Variants in EYS observed in about 807,000 individuals in gnomAD.
EYS encodes the protein EGF-like photoreceptor maintenance factor.
EYS carries 250 observed loss-of-function variants against 282.1 expected under a neutral mutation model. The observed-to-expected ratio is 0.89, with a 90% CI of 0.80 to 0.98. The LOEUF is 0.98. Among genes scored for constraint, EYS ranks in the 50% least tolerant of loss-of-function variants. EYS has a pLI of 0.00. For synonymous variants in EYS, 1,355 were observed against 1,282.9 expected, an observed-to-expected ratio of 1.06 and a Z score of -1.20; for missense variants, 4,016 against 3,709.0, an observed-to-expected ratio of 1.08 and a Z score of -2.15.
At chr6:64,450,524 GA>G (rs1452043996) in intron 26 of EYS, among the ~76,000 whole-genome samples, 1 of 152,092 alleles carries the variant, frequency 6.6e-6, no homozygotes, top group Non-Finnish European at 1.5e-5. Flanking sequence ...GACATTTACA[GA>G]ACTCTCCACC....
intron 12 of EYS, among the ~76,000 whole-genome samples, chr6:65,223,204 C>T (rs1291519383): frequency 6.6e-6 from 1 of 152,022 alleles, no homozygotes; most frequent in African/African-American, 2.4e-5. Flanking sequence ...CCCATCTCTA[C>T]TAAACACAAA....
At chr6:65,531,341 C>G (rs556804104) in intron 2 of EYS, among the ~76,000 whole-genome samples, 1 of 152,136 alleles carries the variant, frequency 6.6e-6, no homozygotes, top group South Asian at 2.1e-4. Context: ...ATAAAGAAAA[C>G]GCTTCATAAA....
rs528566092 is a variant in EYS, at chr6:64,620,258, G to C, written c.3569-2725C>G. ...GCACTCTTAGGATTTTTGAGTTCAA[G>C]AGCCCATTGTGCTAATCCAAGGAAG... is the stretch of plus-strand genomic sequence containing the variant. On this transcript the variant is annotated intron_variant, in intron 23 of 42. Coordinates refer to ENST00000503581, the MANE Select transcript of EYS (RefSeq NM_001142800.2). Among the ~76,000 whole-genome samples the C allele has an allele frequency of 2.0e-5, 3 of 152,228 alleles. No homozygotes were observed. In the East Asian group the frequency reaches 5.8e-4, roughly 29 times the overall value.
chr6:64,234,235 A>G (rs902439693), intron 30 of EYS, among the ~76,000 whole-genome samples: 2 of 151,076 alleles, frequency 1.3e-5, no homozygotes, highest in Admixed American at 1.3e-4. Context: ...CAAAATGCAT[A>G]TATCTCATGT....
At chr6:65,650,056 G>C (rs1319390994) in intron 1 of EYS, among the ~76,000 whole-genome samples, 1 of 152,082 alleles carries the variant, frequency 6.6e-6, no homozygotes, top group African/African-American at 2.4e-5. Flanking sequence ...TGTTTTATCT[G>C]AATTATTTAA....
chr6:65,339,239 T>C lies in EYS; in HGVS notation c.1600-4093A>G, dbSNP rs140494904. ...GGTAATTAAATTTTATTAAAGACTA[T>C]TGAAATAGGGGAGAGAAACTAAACT... On this transcript the variant is annotated intron_variant, in intron 10 of 42. Transcript: ENST00000503581. Among the ~76,000 whole-genome samples, 903 of 151,244 alleles carry C rather than the reference T, an allele frequency of 6.0e-3. 4 individuals carry two copies. The highest frequency in any genetic ancestry group is 9.7e-3 in the Non-Finnish European group (655 of 67,416).
intron 26 of EYS, among the ~76,000 whole-genome samples, chr6:64,536,365 C>T (rs980484291): frequency 6.6e-6 from 1 of 152,128 alleles, no homozygotes; most frequent in Non-Finnish European, 1.5e-5. Context: ...CCTTAACTGT[C>T]AGCAGGAATT....
intron 1 of EYS, among the ~76,000 whole-genome samples, chr6:65,655,326 A>C (rs1439036360): frequency 1.3e-5 from 2 of 151,698 alleles, no homozygotes; most frequent in Non-Finnish European, 3.0e-5. Flanking sequence ...TATGAAAATG[A>C]GGGGAAAAAT....
intron 11 of EYS, among the ~76,000 whole-genome samples, chr6:65,315,913 G>A (rs926200476): frequency 6.7e-6 from 1 of 149,706 alleles, no homozygotes; most frequent in Non-Finnish European, 1.5e-5. Flanking sequence ...ATCCATGTCA[G>A]CAGTTAGGAT....
At chr6:64,355,434 C>T (rs917859750) in intron 29 of EYS, among the ~76,000 whole-genome samples, 1 of 151,536 alleles carries the variant, frequency 6.6e-6, no homozygotes, top group Non-Finnish European at 1.5e-5. Flanking sequence ...TAGTTCGTAA[C>T]ACACACACTT....
At chr6:63,846,882 C>T (rs1484311119) in intron 36 of EYS, among the ~76,000 whole-genome samples, 1 of 152,102 alleles carries the variant, frequency 6.6e-6, no homozygotes, top group Non-Finnish European at 1.5e-5. Flanking sequence ...TGAGCTTTTG[C>T]AAGCTATTCT....
At chr6:64,854,030 C>A (rs1305142845) in intron 19 of EYS, among the ~76,000 whole-genome samples, 1 of 151,892 alleles carries the variant, frequency 6.6e-6, no homozygotes, top group South Asian at 2.1e-4. Context: ...CAGAGAAATG[C>A]AAATCAAAAC....
chr6:64,610,906 A>G (rs1052658510), intron 24 of EYS, among the ~76,000 whole-genome samples: 4 of 152,112 alleles, frequency 2.6e-5, no homozygotes, highest in Admixed American at 6.6e-5. Flanking sequence ...AAACCCTCAC[A>G]TATCTTGCAT....
intron 22 of EYS, among the ~76,000 whole-genome samples, chr6:64,749,535 T>A (rs1246908155): frequency 6.6e-6 from 1 of 152,202 alleles, no homozygotes; most frequent in Non-Finnish European, 1.5e-5. Flanking sequence ...ATACTTGGGT[T>A]CTTAGTATTC....
At chr6:65,439,236 A>C (rs1582292634) in intron 5 of EYS, among the ~76,000 whole-genome samples, 1 of 152,190 alleles carries the variant, frequency 6.6e-6, no homozygotes, top group East Asian at 1.9e-4. Flanking sequence ...TAACAGTACC[A>C]AGCTGTTTTG....
intron 35 of EYS, among the ~76,000 whole-genome samples, chr6:63,945,234 T>G (rs1040003805): frequency 6.6e-6 from 1 of 152,118 alleles, no homozygotes; most frequent in African/African-American, 2.4e-5. Flanking sequence ...GAACACATCC[T>G]TCTCCACATG....
In EYS at chr6:63,787,767, C is replaced by T. The variant is rs1477018808; in HGVS notation, c.7723+338G>A. The stretch of plus-strand genomic sequence containing the variant: ...GACCAGCCTGACCAACATGGAGAAA[C>T]CTCATCTCCTAAAAATGCAAAATTA... On this transcript the variant is annotated intron_variant, in intron 39 of 42. Transcript: ENST00000503581. 3.3e-5 allele frequency among the ~76,000 whole-genome samples: 5 copies of T among 152,134 alleles called. No individual in the cohort carries two copies. The East Asian group carries it at 5.8e-4, about 18-fold the overall frequency.
At chr6:64,962,050 A>T (rs1220029308) in intron 14 of EYS, among the ~76,000 whole-genome samples, 1 of 152,150 alleles carries the variant, frequency 6.6e-6, no homozygotes, top group Non-Finnish European at 1.5e-5. Flanking sequence ...GAAATTTTCT[A>T]TCTCCAAAAC....
At chr6:64,943,140 T>A (rs1392801879) in intron 15 of EYS, among the ~76,000 whole-genome samples, 2 of 152,022 alleles carry the variant, frequency 1.3e-5, no homozygotes. Context: ...AGTGGAAAAT[T>A]CTGCTATGAA....
Sources: gnomAD v4.1 joint callset for allele counts (sites outside exome capture counted in the v4.1 genomes callset) on GRCh38, gnomAD v4.1.1 for gene constraint, MANE v1.5 for transcripts, NCBI Gene and HGNC (gene_info 2026-07-23, HGNC 2026-07-21) for gene names.